The following AGBL4 variants were observed in gnomAD, a reference collection of about 807,000 sequenced individuals.
AGBL4 encodes the protein cytosolic carboxypeptidase 6.
In AGBL4, 58 loss-of-function variants were observed where a neutral mutation model predicts 66.4. The ratio of observed to expected loss-of-function variants is 0.87; its 90% CI spans 0.71 to 1.09. The LOEUF (loss-of-function observed/expected upper bound fraction) is 1.09. AGBL4 is among the 50% of genes least tolerant of loss of function. The pLI is 0.00. For missense variants in AGBL4, 579 were observed against 631.0 expected, an observed-to-expected ratio of 0.92 and a Z score of 0.88; for synonymous variants, 234 against 222.9, an observed-to-expected ratio of 1.05 and a Z score of -0.44.
chr1:48,856,247 A>C (rs190592688), intron 6 of AGBL4, among the ~76,000 whole-genome samples: 252 of 152,378 alleles, frequency 1.7e-3, no homozygotes, highest in African/African-American at 5.5e-3. Context: ...ACTACATAGC[A>C]ACATGGAGAT....
chr1:49,541,451 C>T (rs564344023), intron 3 of AGBL4, among the ~76,000 whole-genome samples: 18 of 152,204 alleles, frequency 1.2e-4, no homozygotes, highest in Admixed American at 4.6e-4. Context: ...CTGCCAGCCC[C>T]GGGCAGTGAG....
chr1:49,254,925 T>C (rs935303696), intron 3 of AGBL4, among the ~76,000 whole-genome samples: 3 of 152,182 alleles, frequency 2.0e-5, no homozygotes, highest in Non-Finnish European at 2.9e-5. Flanking sequence ...CGATTACTTA[T>C]TAAACAAATG....
At chr1:48,818,434 C>T (rs1646237399) in intron 6 of AGBL4, among the ~76,000 whole-genome samples, 1 of 152,082 alleles carries the variant, frequency 6.6e-6, no homozygotes, top group Admixed American at 6.6e-5. Context: ...GGGGAGAAAA[C>T]ACAGGCAGAT....
intron 3 of AGBL4, among the ~76,000 whole-genome samples, chr1:49,503,605 G>A (rs1426410413): frequency 6.6e-6 from 1 of 152,168 alleles, no homozygotes; most frequent in Non-Finnish European, 1.5e-5. Flanking sequence ...GCTGCCCAAA[G>A]CTGTGGGAGC....
intron 3 of AGBL4, among the ~76,000 whole-genome samples, chr1:49,252,139 C>A (rs1361513664): frequency 6.6e-6 from 1 of 151,918 alleles, no homozygotes; most frequent in Non-Finnish European, 1.5e-5. Flanking sequence ...TGAAACCCAA[C>A]AAAAGGAAAA....
chr1:49,438,509 T>C (rs1645954654), intron 3 of AGBL4, among the ~76,000 whole-genome samples: 1 of 152,074 alleles, frequency 6.6e-6, no homozygotes, highest in Admixed American at 6.6e-5. Context: ...AACTCAAGAA[T>C]ATAAACCAAG....
chr1:49,601,161 T>A (rs1343581958), intron 3 of AGBL4, among the ~76,000 whole-genome samples: 1 of 152,172 alleles, frequency 6.6e-6, no homozygotes, highest in African/African-American at 2.4e-5. Context: ...TTTCCTGAAT[T>A]TGAATTTTGG....
chr1:49,967,854 T>A (rs935420549), intron 1 of AGBL4, among the ~76,000 whole-genome samples: 2 of 152,068 alleles, frequency 1.3e-5, no homozygotes, highest in African/African-American at 4.8e-5. Context: ...TGACTACTTA[T>A]ATTTATTCTT....
chr1:49,294,204 T>C (rs973773523), intron 3 of AGBL4, among the ~76,000 whole-genome samples: 1 of 152,226 alleles, frequency 6.6e-6, no homozygotes, highest in African/African-American at 2.4e-5. Context: ...ATATTAATGG[T>C]ATGTAACTCC....
intron 1 of AGBL4, among the ~76,000 whole-genome samples, chr1:49,900,974 T>C (rs1450121960): frequency 1.3e-5 from 2 of 152,234 alleles, no homozygotes; most frequent in African/African-American, 4.8e-5. Context: ...GTACCATTTA[T>C]AATGATGTAA....
intron 2 of AGBL4, among the ~76,000 whole-genome samples, chr1:49,791,145 A>G (rs780627470): frequency 4.6e-5 from 7 of 152,100 alleles, no homozygotes; most frequent in Non-Finnish European, 1.0e-4. Flanking sequence ...GTGATATAAT[A>G]TTGGCTCTAG....
At chr1:49,780,402 C>T (rs1644308503) in intron 2 of AGBL4, among the ~76,000 whole-genome samples, 1 of 151,808 alleles carries the variant, frequency 6.6e-6, no homozygotes, top group Non-Finnish European at 1.5e-5. Context: ...AACTCAAATC[C>T]ACAAAAATAA....
chr1:48,948,538 T>C (rs1179600771), intron 5 of AGBL4, among the ~76,000 whole-genome samples: 1 of 152,240 alleles, frequency 6.6e-6, no homozygotes, highest in Non-Finnish European at 1.5e-5. Flanking sequence ...ATGGGCTCAA[T>C]AAACAGCTGC....
At chr1:49,381,545 A>G (rs1299083730) in intron 3 of AGBL4, among the ~76,000 whole-genome samples, 1 of 152,188 alleles carries the variant, frequency 6.6e-6, no homozygotes, top group Non-Finnish European at 1.5e-5. Context: ...ACACATGCAC[A>G]CATATGTTTA....
At chr1:48,542,347 G>A (rs576408867) in intron 11 of AGBL4, among the ~76,000 whole-genome samples, 1 of 152,264 alleles carries the variant, frequency 6.6e-6, no homozygotes, top group African/African-American at 2.4e-5. Context: ...AATCCTTTGG[G>A]TATAAACCCA....
At chr1:49,189,289 T>C (rs981586063) in intron 4 of AGBL4, among the ~76,000 whole-genome samples, 4 of 152,174 alleles carry the variant, frequency 2.6e-5, no homozygotes, top group African/African-American at 9.7e-5. Context: ...GAATTATCCT[T>C]TTTTATTTGT....
chr1:49,339,873 A>G (rs1390032638), intron 3 of AGBL4, among the ~76,000 whole-genome samples: 3 of 152,200 alleles, frequency 2.0e-5, no homozygotes, highest in Non-Finnish European at 4.4e-5. Context: ...CAAGCTAGTC[A>G]TCAAAGAGAA....
intron 5 of AGBL4, among the ~76,000 whole-genome samples, chr1:48,925,040 G>A (rs777243157): frequency 6.6e-6 from 1 of 152,058 alleles, no homozygotes; most frequent in Non-Finnish European, 1.5e-5. Context: ...AGCATCAAGA[G>A]AGAAGTAAGG....
Position 48,981,957 on chromosome 1 carries a change from G to T in AGBL4, c.594+63627C>A, listed in dbSNP as rs577624490. 9.8e-5 allele frequency among the ~76,000 whole-genome samples: 15 copies of T among 152,322 alleles called. No homozygotes were observed. In the South Asian group the frequency reaches 3.1e-3, roughly 32 times the overall value. ...CAACTTCATCTTGGGGTGAGGGTAG[G>T]AGCCAAGGAGAACTCTGGAGAAGTG... On this transcript the variant is annotated intron_variant, in intron 5 of 13. Coordinates refer to ENST00000371839, the MANE Select transcript of AGBL4 (RefSeq NM_032785.4).
Sources: gnomAD v4.1 joint callset for allele counts (sites outside exome capture counted in the v4.1 genomes callset) on GRCh38, gnomAD v4.1.1 for gene constraint, MANE v1.5 for transcripts, NCBI Gene and HGNC (gene_info 2026-07-23, HGNC 2026-07-21) for gene names.